UBAP2: variants seen among roughly 807,000 people sequenced by gnomAD.
UBAP2 encodes the protein ubiquitin-associated protein 2.
Under a neutral mutation model 139.6 loss-of-function variants are expected in UBAP2, and 75 were observed. The observed-to-expected ratio is 0.54, with a 90% CI of 0.45 to 0.65. The LOEUF (loss-of-function observed/expected upper bound fraction) is 0.65. Ranked by LOEUF, UBAP2 falls within the 30% of genes least tolerant of loss-of-function variation. The pLI, the probability that UBAP2 is intolerant of heterozygous loss-of-function variation, is 0.00. For missense variants in UBAP2, 1,368 were observed against 1,369.6 expected, an observed-to-expected ratio of 1.00 and a Z score of 0.02; for synonymous variants, 526 against 526.2, an observed-to-expected ratio of 1.00 and a Z score of 0.01.
At chr9:34,036,422 ACTTGATTCTATAG>A (rs1217590210) in intron 1 of UBAP2, among the ~76,000 whole-genome samples, 12 of 152,226 alleles carry the variant, frequency 7.9e-5, no homozygotes. Context: ...CAGCCTTGAT[ACTTGATTCTATAG>A]GAAGAATCTA....
intron 11 of UBAP2, 108 bp from the exon 12 acceptor site, chr9:33,953,582 G>T: frequency 8.4e-7 from 1 of 1,191,554 alleles, no homozygotes. Context: ...AATCAAATGA[G>T]GAGAACCTTT....
intron 12 of UBAP2, among the ~76,000 whole-genome samples, chr9:33,949,417 G>A (rs1825911145): frequency 6.6e-6 from 1 of 151,672 alleles, no homozygotes; most frequent in South Asian, 2.1e-4. Context: ...TCAAATACAG[G>A]TCAGGCTGGG....
intron 8 of UBAP2, among the ~76,000 whole-genome samples, chr9:33,971,324 C>T (rs1197816255): frequency 6.6e-6 from 1 of 152,140 alleles, no homozygotes; most frequent in African/African-American, 2.4e-5. Flanking sequence ...GAAGTACTTC[C>T]AGTAAAAAAT....
chr9:34,034,267 T>C (rs561953921), intron 1 of UBAP2, among the ~76,000 whole-genome samples: 1 of 152,306 alleles, frequency 6.6e-6, no homozygotes, highest in South Asian at 2.1e-4. Flanking sequence ...ACTTCAGAAG[T>C]TTTTCATTAT....
rs1821459684 is a variant in UBAP2 at position 33,989,061 on chromosome 9, C to T, written c.354G>A (p.Glu118=). 1 of 1,614,060 alleles carries T rather than the reference C, an allele frequency of 6.2e-7. No individual in the cohort carries two copies. Among genetic ancestry groups the T allele is most frequent in the Non-Finnish European group, 8.5e-7 (1 of 1,180,004 alleles). Residue 118 remains glutamate, a synonymous_variant, in exon 5 of 29, where the codon GAG becomes GAA. Transcript: ENST00000379238. ...NFAKENSENK[E]NREKKSEKES... is the part of the protein sequence containing the mutation. ...CTTTCTCGCTTTTCTTCTCTCTATT[C>T]TCTTTGTTTTCTGAATTTTCTTTTG...
At chr9:33,960,984 C>A in intron 9 of UBAP2, 106 bp from the exon 10 acceptor site, 1 of 996,598 alleles carries the variant, frequency 1.0e-6, no homozygotes, top group Middle Eastern at 2.1e-4. Flanking sequence ...GATACATACG[C>A]CTCACTAGCA....
At chr9:34,032,337 TAA>T (rs1825958514) in intron 1 of UBAP2, among the ~76,000 whole-genome samples, 1 of 152,156 alleles carries the variant, frequency 6.6e-6, no homozygotes, top group Non-Finnish European at 1.5e-5. Context: ...TGGTCTGTGA[TAA>T]AGACTCAGGC....
chr9:33,989,496 C>T (rs376497666), intron 4 of UBAP2, among the ~76,000 whole-genome samples: 2 of 151,998 alleles, frequency 1.3e-5, no homozygotes, highest in African/African-American at 2.4e-5. Context: ...CCACCGCGCC[C>T]GGCACATGCA....
rs1344641114 is a variant in UBAP2, at chr9:33,935,166, G to C, written c.1969+673C>G. On this transcript the variant is annotated intron_variant, in intron 17 of 28. Coordinates refer to ENST00000379238, the MANE Select transcript of UBAP2 (RefSeq NM_001370062.2). Reference sequence around the variant, plus strand: ...ATCACTGAGCTGTTGGAAGTGGCGGGGGGGGGGGGTCTCATTTTCTCCCAA... The same window carrying C: ...ATCACTGAGCTGTTGGAAGTGGCGGCGGGGGGGGGTCTCATTTTCTCCCAA... 1.0e-4 allele frequency among the ~76,000 whole-genome samples: 6 copies of C among 57,392 alleles called. 1 individual carries two copies. The highest frequency in any genetic ancestry group is 2.1e-3 in the South Asian group (2 of 958). The allele number at this position is 57,392 out of a possible 152,430, so 37.7% of individuals were successfully genotyped here. A position where few individuals can be genotyped will look rare whatever the true frequency, so the allele number is the denominator to read the frequency against.
At chr9:33,972,717 T>C (rs1231923469) in intron 7 of UBAP2, among the ~76,000 whole-genome samples, 1 of 152,252 alleles carries the variant, frequency 6.6e-6, no homozygotes, top group African/African-American at 2.4e-5. Flanking sequence ...CAATGTTTAC[T>C]ATTTCAATTC....
At chr9:33,924,151 T>C in intron 23 of UBAP2, 55 bp downstream of exon 23, 2 of 1,603,436 alleles carry the variant, frequency 1.2e-6, no homozygotes, top group Admixed American at 1.7e-5. Context: ...TCCCAGCTCC[T>C]GGAGTTCGCG....
chr9:33,951,332 ATTTTTTTTTTTTTTTT>A (rs57473520), intron 12 of UBAP2, among the ~76,000 whole-genome samples: 17 of 69,002 alleles, frequency 2.5e-4, no homozygotes, highest in South Asian at 1.0e-3. Context: ...CTCCCCAATG[ATTTTTTTTTTTTTTTT>A]TTTTTTTTTT....
rs376765185 is a variant in UBAP2, at chr9:33,922,461, G to A, written c.*43C>T. On this transcript the variant is annotated 3_prime_UTR_variant, in exon 29 of 29. Transcript: ENST00000379238. ...AATACGTGCTCGTGTGTTCTCTCCTGCCCAGGATAAGCCTTGCCCCAGCCC... is the reference window on the plus strand; with the variant it reads ...AATACGTGCTCGTGTGTTCTCTCCTACCCAGGATAAGCCTTGCCCCAGCCC... 1.9e-6 allele frequency: 3 copies of A among 1,584,082 alleles called. No homozygotes were observed. The highest frequency in any genetic ancestry group is 2.7e-5 in the African/African-American group (2 of 74,202).
rs547649766 is a variant in UBAP2 at position 33,983,423 on chromosome 9, A to G, written c.520+3337T>C. ...AAGCATGTGAGAGATCAAATACCCT[A>G]GGAAAGAAAACCCTCTCCCTGGTAA... On this transcript the variant is annotated intron_variant, in intron 6 of 28. Transcript: ENST00000379238. Among the ~76,000 whole-genome samples the G allele has an allele frequency of 2.0e-5, 3 of 152,258 alleles. No individual in the cohort carries two copies. In the East Asian group the frequency reaches 5.8e-4, roughly 29 times the overall value.
chr9:34,034,025 C>A (rs1826116115), intron 1 of UBAP2, among the ~76,000 whole-genome samples: 1 of 152,078 alleles, frequency 6.6e-6, no homozygotes, highest in Non-Finnish European at 1.5e-5. Flanking sequence ...CATGACCCAC[C>A]ACGCCCGGCT....
intron 1 of UBAP2, among the ~76,000 whole-genome samples, chr9:34,043,871 T>C (rs1340522395): frequency 6.6e-6 from 1 of 151,220 alleles, no homozygotes; most frequent in African/African-American, 2.4e-5. Flanking sequence ...TCCACAACTG[T>C]AATCTCAGCA....
intron 1 of UBAP2, among the ~76,000 whole-genome samples, chr9:34,043,722 C>T (rs1438936098): frequency 1.3e-5 from 2 of 151,898 alleles, no homozygotes; most frequent in African/African-American, 4.8e-5. Flanking sequence ...TCTCGAACTC[C>T]TGCTCAAGAA....
At chr9:33,999,894 GTATGTATGTATGT>G (rs563492274) in intron 2 of UBAP2, among the ~76,000 whole-genome samples, 1,972 of 77,572 alleles carry the variant, frequency 0.025, 43 homozygotes, top group African/African-American at 0.056. Context: ...ATGTATGTAT[GTATGTATGTATGT>G]TATTTTGAGA....
At chr9:33,935,372 T>C (rs1051806644) in intron 17 of UBAP2, 7 of 156,592 alleles carry the variant, frequency 4.5e-5, no homozygotes, top group African/African-American at 1.7e-4. Context: ...CAAGCGATTC[T>C]TGTGCCTCAG....
Sources: allele counts gnomAD v4.1 joint callset (sites outside exome capture counted in the v4.1 genomes callset), GRCh38; gene constraint gnomAD v4.1.1; transcripts MANE v1.5; gene names NCBI Gene and HGNC (gene_info 2026-07-23, HGNC 2026-07-21).